FAM168A: variants seen among roughly 807,000 people sequenced by gnomAD.
The protein encoded by FAM168A is protein FAM168A.
FAM168A carries 3 observed loss-of-function variants against 28.5 expected under a neutral mutation model. The ratio of observed to expected loss-of-function variants is 0.11; its 90% CI spans 0.05 to 0.27. FAM168A has a LOEUF of 0.27. Among genes scored for constraint, FAM168A ranks in the 10% least tolerant of loss-of-function variants. The pLI, the probability that FAM168A is intolerant of heterozygous loss-of-function variation, is 1.00. For synonymous variants in FAM168A, 122 were observed against 124.2 expected (o/e 0.98, Z 0.12); for missense variants, 222 against 311.5 (o/e 0.71, Z 2.16).
chr11:73,461,972 T>C (rs528250535), intron 2 of FAM168A, among the ~76,000 whole-genome samples: 1 of 152,146 alleles, frequency 6.6e-6, no homozygotes, highest in Non-Finnish European at 1.5e-5. Flanking sequence ...AAAACAAACA[T>C]TGGCGAAGCT....
At chr11:73,531,570 A>AC (rs1241308749) in intron 1 of FAM168A, among the ~76,000 whole-genome samples, 4 of 152,156 alleles carry the variant, frequency 2.6e-5, no homozygotes. Flanking sequence ...ATGAGCAGAC[A>AC]CTGGTACAGA....
chr11:73,542,284 A>G (rs555155375), intron 1 of FAM168A, among the ~76,000 whole-genome samples: 54 of 152,324 alleles, frequency 3.5e-4, no homozygotes, highest in Middle Eastern at 3.4e-3. Context: ...TAAAAATGTA[A>G]TATGTCCAAA....
At chr11:73,495,316 G>A (rs967793887) in intron 1 of FAM168A, among the ~76,000 whole-genome samples, 7 of 152,162 alleles carry the variant, frequency 4.6e-5, no homozygotes, top group Non-Finnish European at 8.8e-5. Flanking sequence ...GCGACAGAGC[G>A]AGACTCCGTC....
intron 2 of FAM168A, among the ~76,000 whole-genome samples, chr11:73,447,629 C>T (rs1233378003): frequency 1.3e-5 from 2 of 151,628 alleles, no homozygotes; most frequent in East Asian, 1.9e-4. Flanking sequence ...TGGCCCCCTA[C>T]GTTGTGGTTC....
At chr11:73,454,474 CAGA>C (rs1309535712) in intron 2 of FAM168A, among the ~76,000 whole-genome samples, 1 of 152,172 alleles carries the variant, frequency 6.6e-6, no homozygotes, top group Non-Finnish European at 1.5e-5. Flanking sequence ...CTTGCCTTCT[CAGA>C]AGGCTTTCCT....
At chr11:73,427,053 G>A (rs983162522) in intron 3 of FAM168A, among the ~76,000 whole-genome samples, 10 of 151,884 alleles carry the variant, frequency 6.6e-5, no homozygotes, top group African/African-American at 1.2e-4. Flanking sequence ...GTGCAGTGGC[G>A]CAATCTTGGC....
At chr11:73,443,240 C>T (rs1028996954) in intron 2 of FAM168A, among the ~76,000 whole-genome samples, 9 of 151,922 alleles carry the variant, frequency 5.9e-5, no homozygotes, top group African/African-American at 1.9e-4. Context: ...ACTTGAGCGA[C>T]TGCCTTCAAA....
intron 1 of FAM168A, among the ~76,000 whole-genome samples, chr11:73,481,617 A>G (rs917257602): frequency 6.6e-5 from 10 of 152,346 alleles, no homozygotes; most frequent in African/African-American, 2.2e-4. Flanking sequence ...CAATGCAAAT[A>G]TATAAGCTAA....
At chr11:73,522,808 T>C (rs557355538) in intron 1 of FAM168A, among the ~76,000 whole-genome samples, 234 of 151,010 alleles carry the variant, frequency 1.5e-3, no homozygotes, top group Middle Eastern at 0.01. Context: ...AAGTCAGGAG[T>C]TTGTGACCAG....
At chr11:73,448,481 G>A (rs988559215) in intron 2 of FAM168A, among the ~76,000 whole-genome samples, 1 of 152,196 alleles carries the variant, frequency 6.6e-6, no homozygotes, top group Non-Finnish European at 1.5e-5. Flanking sequence ...TTACTTGCCT[G>A]GGTAATTGTG....
At chr11:73,466,408 A>T (rs1411562854) in intron 2 of FAM168A, among the ~76,000 whole-genome samples, 1 of 152,224 alleles carries the variant, frequency 6.6e-6, no homozygotes, top group Admixed American at 6.5e-5. Flanking sequence ...ATCCCTTAGA[A>T]GCTATATACA....
At position 73,474,810 on chromosome 11, in the gene FAM168A, G is replaced by A. The variant is rs371577493; in HGVS notation, c.-18-6318C>T. Reference sequence around the variant, plus strand: ...GAACAAACAATGAGCCATCTTTCATGCTTCTCCAAAATAAAACTGTGAAAA... The same window carrying A: ...GAACAAACAATGAGCCATCTTTCATACTTCTCCAAAATAAAACTGTGAAAA... On this transcript the variant is annotated intron_variant, in intron 1 of 7. Transcript: ENST00000356467. 1.2e-4 allele frequency among the ~76,000 whole-genome samples: 19 copies of A among 152,256 alleles called. No homozygotes were observed. The South Asian group carries it at 1.4e-3, about 12-fold the overall frequency.
chr11:73,537,826 T>G (rs983477836), intron 1 of FAM168A, among the ~76,000 whole-genome samples: 1 of 152,184 alleles, frequency 6.6e-6, no homozygotes, highest in Non-Finnish European at 1.5e-5. Context: ...CACTTCCCAA[T>G]TCCCAATGAT....
intron 1 of FAM168A, among the ~76,000 whole-genome samples, chr11:73,583,720 G>A (rs150662807): frequency 1.3e-5 from 2 of 152,310 alleles, no homozygotes; most frequent in South Asian, 4.1e-4. Flanking sequence ...TGAGAAAAGA[G>A]GCACTGCACA....
intron 2 of FAM168A, among the ~76,000 whole-genome samples, chr11:73,455,684 G>A (rs1867518603): frequency 6.6e-6 from 1 of 152,130 alleles, no homozygotes; most frequent in African/African-American, 2.4e-5. Flanking sequence ...TGGTAATCTT[G>A]CAATTTAAAG....
intron 2 of FAM168A, among the ~76,000 whole-genome samples, chr11:73,461,548 T>C (rs1294801530): frequency 5.9e-5 from 9 of 152,156 alleles, no homozygotes; most frequent in Admixed American, 5.9e-4. Context: ...AGCCACCAGA[T>C]GGACTGAGAA....
At chr11:73,524,658 C>A (rs1043027676) in intron 1 of FAM168A, among the ~76,000 whole-genome samples, 3 of 151,924 alleles carry the variant, frequency 2.0e-5, no homozygotes, top group African/African-American at 7.3e-5. Flanking sequence ...AGTACAGTGG[C>A]ATGTTCTCAG....
chr11:73,501,769 A>G (rs374772256), intron 1 of FAM168A, among the ~76,000 whole-genome samples: 12 of 152,276 alleles, frequency 7.9e-5, no homozygotes, highest in Admixed American at 5.9e-4. Context: ...CTAACATCAC[A>G]ATTAAAAGAG....
intron 1 of FAM168A, among the ~76,000 whole-genome samples, chr11:73,472,938 T>G (rs183086855): frequency 1.2e-3 from 184 of 152,216 alleles, no homozygotes; most frequent in African/African-American, 4.2e-3. Context: ...GAACAATGTT[T>G]GATATACAAT....
Sources: gnomAD v4.1 joint callset for allele counts (sites outside exome capture counted in the v4.1 genomes callset) on GRCh38, gnomAD v4.1.1 for gene constraint, MANE v1.5 for transcripts, NCBI Gene and HGNC (gene_info 2026-07-23, HGNC 2026-07-21) for gene names.